Variants in YTHDC1 observed in about 807,000 individuals in gnomAD.
The protein encoded by YTHDC1 is YTH domain-containing protein 1.
Under a neutral mutation model 107.0 loss-of-function variants are expected in YTHDC1, and 12 were observed. The observed-to-expected ratio is 0.11, with a 90% CI of 0.07 to 0.18. The LOEUF is 0.18. YTHDC1 is among the 10% of genes least tolerant of loss of function. YTHDC1 has a pLI of 1.00. For synonymous variants in YTHDC1, 280 were observed against 289.5 expected, an observed-to-expected ratio of 0.97 and a Z score of 0.33; for missense variants, 635 against 898.8, an observed-to-expected ratio of 0.71 and a Z score of 3.75.
chr4:68,349,837 C>G lies in YTHDC1; in HGVS notation c.-84G>C. On this transcript the variant is annotated 5_prime_UTR_variant, in exon 1 of 17. Coordinates refer to ENST00000344157, the MANE Select transcript of YTHDC1 (RefSeq NM_001031732.4). ...GGGCGCCGCAGCCGCGGCAGAAGCA[C>G]GGGCCCGTCCGTCAGTCCGTCTGCC... 6.3e-7 allele frequency: 1 copy of G among 1,592,476 alleles called. No homozygotes were observed. Among genetic ancestry groups the G allele is most frequent in the Non-Finnish European group, 8.6e-7 (1 of 1,164,926 alleles).
intron 9 of YTHDC1, among the ~76,000 whole-genome samples, chr4:68,328,898 T>TA (rs1393634038): frequency 2.0e-5 from 3 of 152,164 alleles, no homozygotes; most frequent in Admixed American, 2.0e-4. Flanking sequence ...TTGAATAGTG[T>TA]AGGTAAATGT....
chr4:68,316,524 C>G, intron 15 of YTHDC1, 76 bp from the exon 16 acceptor site: 5 of 1,506,168 alleles, frequency 3.3e-6, no homozygotes, highest in Non-Finnish European at 4.5e-6. Context: ...ACCCTTCATC[C>G]AAAACACCAA....
chr4:68,329,208 A>G (rs1050002915), intron 9 of YTHDC1, among the ~76,000 whole-genome samples: 2 of 152,048 alleles, frequency 1.3e-5, no homozygotes, highest in African/African-American at 4.8e-5. Context: ...GTAGCTCCCT[A>G]TCCCACTCAC....
intron 10 of YTHDC1, among the ~76,000 whole-genome samples, chr4:68,323,649 C>A (rs1307574469): frequency 6.6e-6 from 1 of 152,090 alleles, no homozygotes; most frequent in Non-Finnish European, 1.5e-5. Context: ...ACTTCTGGTT[C>A]AGAATTACAT....
chr4:68,316,294 T>G lies in YTHDC1; in HGVS notation c.1959+20A>C. 2 of 1,604,258 alleles carry G rather than the reference T, an allele frequency of 1.2e-6. No individual in the cohort carries two copies. The highest frequency in any genetic ancestry group is 1.7e-6 in the Non-Finnish European group (2 of 1,174,826). On this transcript the variant is annotated intron_variant, in intron 16 of 16. Transcript: ENST00000344157. ...AATTCTAAGTAGTTCCCTCACACCT[T>G]TGCCTCCTTGTGCACTTACTACTCG...
intron 9 of YTHDC1, among the ~76,000 whole-genome samples, chr4:68,325,888 A>G (rs1351715567): frequency 6.6e-6 from 1 of 152,116 alleles, no homozygotes; most frequent in Non-Finnish European, 1.5e-5. Context: ...TTTCTAATAT[A>G]CACCTTACTT....
At chr4:68,348,515 T>C (rs915913856) in intron 1 of YTHDC1, among the ~76,000 whole-genome samples, 3 of 151,000 alleles carry the variant, frequency 2.0e-5, no homozygotes, top group African/African-American at 7.3e-5. Flanking sequence ...TTTTTTAGCA[T>C]TTAGTTTAAG....
At chr4:68,319,846 A>G (rs1165559912) in intron 12 of YTHDC1, among the ~76,000 whole-genome samples, 1 of 152,144 alleles carries the variant, frequency 6.6e-6, no homozygotes, top group Admixed American at 6.5e-5. Context: ...TTTTAACCTT[A>G]AACACATGTG....
chr4:68,329,498 A>C (rs550633085), intron 9 of YTHDC1, among the ~76,000 whole-genome samples: 1 of 152,304 alleles, frequency 6.6e-6, no homozygotes, highest in African/African-American at 2.4e-5. Context: ...CTTGTGTACA[A>C]TACTTCAGTG....
intron 9 of YTHDC1, among the ~76,000 whole-genome samples, chr4:68,329,557 T>A (rs2109709238): frequency 6.6e-6 from 1 of 152,306 alleles, no homozygotes; most frequent in Admixed American, 6.5e-5. Flanking sequence ...AAAATAAGCC[T>A]GATTATTTTT....
In YTHDC1 at chr4:68,337,205, CTCT is replaced by C; in HGVS notation, c.702_704del (p.Glu249del). 1.3e-6 allele frequency: 2 copies of C among 1,592,996 alleles called. No individual in the cohort carries two copies. The highest frequency in any genetic ancestry group is 1.7e-6 in the Non-Finnish European group (2 of 1,161,994). ...CCTCCTCCTCCTCTTCCTCCTCCTC[CTCT>C]TCCTCCTCCTCCTCTCCATCTTCAT... is the stretch of plus-strand genomic sequence containing the variant. On this transcript the variant is annotated inframe_deletion, in exon 4 of 17. Coordinates refer to ENST00000344157, the MANE Select transcript of YTHDC1 (RefSeq NM_001031732.4).
chr4:68,342,723 CATACATTTTA>C (rs1724980769), intron 1 of YTHDC1, among the ~76,000 whole-genome samples: 1 of 152,114 alleles, frequency 6.6e-6, no homozygotes, highest in Non-Finnish European at 1.5e-5. Context: ...GTACACTTTG[CATACATTTTA>C]ATTCATTTTT....
rs1266469420 is a variant in YTHDC1 at position 68,337,505 on chromosome 4, G to T, written c.460-55C>A. Reference sequence around the variant, plus strand: ...GTCATATAAAAGACAAGGTCAGGGTGAATAAACAGTTCTAAAGCCTCAAAA... The same window carrying T: ...GTCATATAAAAGACAAGGTCAGGGTTAATAAACAGTTCTAAAGCCTCAAAA... On this transcript the variant is annotated intron_variant, in intron 3 of 16. Coordinates refer to ENST00000344157, the MANE Select transcript of YTHDC1 (RefSeq NM_001031732.4). 6.3e-6 allele frequency: 10 copies of T among 1,597,760 alleles called. No individual in the cohort carries two copies. In the Admixed American group the frequency reaches 1.8e-4, roughly 28 times the overall value.
chr4:68,322,801 G>A lies in YTHDC1; in HGVS notation c.1549C>T (p.Pro517Ser). 2 of 1,614,138 alleles carry A rather than the reference G, an allele frequency of 1.2e-6. No homozygotes were observed. Among genetic ancestry groups the A allele is most frequent in the South Asian group, 2.2e-5 (2 of 91,078 alleles). ...MRHKRRMHSQ[P>S]RSRGRPSRRE... ...CGGGATGGACGTCCTCGTGATCGGG[G>A]CTGAGAATGCATTCTTCTCTTGTGA... is the stretch of plus-strand genomic sequence containing the variant. Residue 517 changes from proline to serine, a missense_variant, in exon 11 of 17, where the codon CCC (proline) becomes TCC (serine). Transcript: ENST00000344157. This position sits in a 1 kb window ranked among gnomAD's most constrained non-coding sequence, Gnocchi z 4.8.
intron 9 of YTHDC1, among the ~76,000 whole-genome samples, chr4:68,326,050 TTTC>T (rs1403517922): frequency 1.3e-5 from 2 of 152,156 alleles, no homozygotes; most frequent in Non-Finnish European, 2.9e-5. Flanking sequence ...AATTTAAATT[TTTC>T]TTCTAATTGC....
In YTHDC1 at chr4:68,315,620, TG is replaced by T. The variant is rs71269062; in HGVS notation, c.1959+693del. ...TCTGCTTTATAAATAAAAGTACTAT[TG>T]GGGGGGGTGGGGAAGCATTTAATAA... On this transcript the variant is annotated intron_variant, in intron 16 of 16. Transcript: ENST00000344157. Among the ~76,000 whole-genome samples the T allele has an allele frequency of 2.6e-3, 398 of 150,530 alleles. 3 individuals are homozygous for T. The highest frequency in any genetic ancestry group is 9.3e-3 in the African/African-American group (381 of 40,908).
chr4:68,344,030 T>C (rs1031917578), intron 1 of YTHDC1: 2 of 152,092 alleles, frequency 1.3e-5, no homozygotes, highest in African/African-American at 4.8e-5. Flanking sequence ...ATTTGATTAT[T>C]AGGGGCCCAG....
In YTHDC1 at chr4:68,312,016, G is replaced by A. The variant is rs1441905536; in HGVS notation, c.*2083C>T. On this transcript the variant is annotated 3_prime_UTR_variant, in exon 17 of 17. Transcript: ENST00000344157. ...ACAAAAATTAGCGGGGTGTGGTGGT[G>A]GGTGCCTGTAGTCCCAGCCATTCGG... is the stretch of plus-strand genomic sequence containing the variant. The A allele has an allele frequency of 6.6e-6, 1 of 152,108 alleles. No homozygotes were observed. The highest frequency in any genetic ancestry group is 1.5e-5 in the Non-Finnish European group (1 of 68,042). 9.4% of individuals were successfully genotyped at this position (152,108 alleles called of 1,614,324 possible).
chr4:68,333,257 A>G (rs766810763), intron 5 of YTHDC1, 51 bp downstream of exon 5: 1 of 1,439,498 alleles, frequency 6.9e-7, no homozygotes, highest in Non-Finnish European at 9.6e-7. Context: ...CACGCTTTCT[A>G]AAGCAGATTA....
Sources: allele counts gnomAD v4.1 joint callset (sites outside exome capture counted in the v4.1 genomes callset), GRCh38; gene constraint gnomAD v4.1.1; non-coding constraint Gnocchi (gnomAD v3.1); transcripts MANE v1.5; gene names NCBI Gene and HGNC (gene_info 2026-07-23, HGNC 2026-07-21).